Variants in SPG21 observed in about 807,000 individuals in gnomAD.
The protein encoded by SPG21 is SPG21 abhydrolase domain containing, maspardin, also known as maspardin.
Under a neutral mutation model 38.9 loss-of-function variants are expected in SPG21, and 26 were observed. That is an observed-to-expected ratio of 0.67 (90% CI 0.49 to 0.93). SPG21 has a LOEUF of 0.93. Ranked by LOEUF, SPG21 falls within the 40% of genes least tolerant of loss-of-function variation. The pLI, the probability that SPG21 is intolerant of heterozygous loss-of-function variation, is 0.00. For synonymous variants in SPG21, 136 were observed against 128.9 expected, an observed-to-expected ratio of 1.05 and a Z score of -0.37; for missense variants, 333 against 376.5, an observed-to-expected ratio of 0.88 and a Z score of 0.96.
In SPG21 at chr15:64,969,972, G is replaced by A. The variant is rs886389736; in HGVS notation, c.561+142C>T. On this transcript the variant is annotated intron_variant, in intron 6 of 8. Transcript: ENST00000204566. ...CACTGATGTAGGCAAGCCCTTACCA[G>A]CAATAATATCTGCTCAGATGTATTA... is the stretch of plus-strand genomic sequence containing the variant. The A allele has an allele frequency of 2.5e-5, 20 of 800,422 alleles. No individual in the cohort carries two copies. In the African/African-American group the frequency reaches 3.2e-4, roughly 13 times the overall value. 49.6% of individuals were successfully genotyped at this position (800,422 alleles called of 1,614,324 possible). A position where few individuals can be genotyped will look rare whatever the true frequency, so the allele number is the denominator to read the frequency against.
chr15:64,974,759 C>T lies in SPG21; in HGVS notation c.307-12G>A. ...CCAAAAAGATGAACCTAATTATAAA[C>T]AAATATAAGGCAGATTCTGAAATAC... On this transcript the variant is annotated splice_polypyrimidine_tract_variant and intron_variant, in intron 4 of 8. Coordinates refer to ENST00000204566, the MANE Select transcript of SPG21 (RefSeq NM_016630.7). 1 of 1,614,040 alleles carries T rather than the reference C, an allele frequency of 6.2e-7. No individual in the cohort carries two copies. Among genetic ancestry groups the T allele is most frequent in the Non-Finnish European group, 8.5e-7 (1 of 1,179,990 alleles).
chr15:64,965,355 G>A lies in SPG21; in HGVS notation c.775C>T (p.Leu259=), dbSNP rs779399171. The change falls in exon 8 of 9, where the codon CTG becomes TTG. Residue 259 remains leucine, a synonymous_variant. Transcript: ENST00000204566. ...AGATTGACCTCTGCACTTCTGCACA[G>A]GTATGGGAAATTGCCTCCTGTTTTC... is the stretch of plus-strand genomic sequence containing the variant. ...HLKTGGNFPY[L]CRSAEVNLYV... 12 of 1,614,034 alleles carry A rather than the reference G, an allele frequency of 7.4e-6. No homozygotes were observed. The highest frequency in any genetic ancestry group is 1.0e-5 in the Non-Finnish European group (12 of 1,180,036).
chr15:64,966,368 T>C lies in SPG21; in HGVS notation c.670-908A>G, dbSNP rs528556618. On this transcript the variant is annotated intron_variant, in intron 7 of 8. Transcript: ENST00000204566. ...TATACTAAATATACCATACCAAATC[T>C]GTATGTTTAAGTGCATCTCCAACTA... 2.0e-5 allele frequency among the ~76,000 whole-genome samples: 3 copies of C among 152,310 alleles called. No homozygotes were observed. In the East Asian group the frequency reaches 5.8e-4, roughly 29 times the overall value.
At chr15:64,973,481 C>T (rs4776657) in intron 5 of SPG21, among the ~76,000 whole-genome samples, 136,253 of 152,028 alleles carry the variant, frequency 0.9, 61,870 homozygotes, top group East Asian at 0.99. Flanking sequence ...GATGGAGTTT[C>T]GCTCCTGTTG....
intron 1 of SPG21, among the ~76,000 whole-genome samples, chr15:64,986,561 C>T (rs1344845526): frequency 6.6e-6 from 1 of 151,146 alleles, no homozygotes; most frequent in Non-Finnish European, 1.5e-5. Flanking sequence ...TGGCAGTGGC[C>T]GCCTGTAATC....
intron 1 of SPG21, among the ~76,000 whole-genome samples, chr15:64,987,892 G>C (rs1055193988): frequency 4.2e-4 from 64 of 152,196 alleles, no homozygotes; most frequent in African/African-American, 1.4e-3. Context: ...AAATTAGCTA[G>C]GCGTGGTGGC....
Position 64,980,867 on chromosome 15 carries a change from G to T in SPG21, c.222C>A (p.Ile74=). ...AATTTTAATCAGTAATACTTACAGC[G>T]ATAACCCGGTAACCCCATCCAGTCA... ...LALTGWGYRV[I]ALQYPVYWDH... Residue 74 remains isoleucine (I), a synonymous_variant, in exon 3 of 9, where the codon ATC becomes ATA. Coordinates refer to ENST00000204566, the MANE Select transcript of SPG21 (RefSeq NM_016630.7). 1 of 1,612,692 alleles carries T rather than the reference G, an allele frequency of 6.2e-7. No homozygotes were observed. Among genetic ancestry groups the T allele is most frequent in the Non-Finnish European group, 8.5e-7 (1 of 1,179,870 alleles).
At chr15:64,970,336 C>T (rs914889042) in intron 5 of SPG21, 114 bp from the exon 6 acceptor site, 6 of 880,804 alleles carry the variant, frequency 6.8e-6, no homozygotes, top group Non-Finnish European at 9.3e-6. Context: ...AGTCCTAATC[C>T]CCTCCTCCAA....
At chr15:64,983,303 G>C in intron 2 of SPG21, 1 of 403,104 alleles carries the variant, frequency 2.5e-6, no homozygotes, top group Non-Finnish European at 4.6e-6. Context: ...AATGAGTACA[G>C]TTACACTTGC....
intron 1 of SPG21, among the ~76,000 whole-genome samples, chr15:64,986,641 C>T (rs753510917): frequency 2.0e-5 from 3 of 151,922 alleles, no homozygotes; most frequent in Non-Finnish European, 4.4e-5. Context: ...TGAGCCAAGA[C>T]TGCACTCCAG....
Position 64,965,317 on chromosome 15 carries a change from T to TACCTGTACATAAAGATTG in SPG21, c.795_810+2dup. 1 of 1,614,244 alleles carries TACCTGTACATAAAGATTG rather than the reference T, an allele frequency of 6.2e-7. No homozygotes were observed. Among genetic ancestry groups the TACCTGTACATAAAGATTG allele is most frequent in the South Asian group, 1.1e-5 (1 of 91,090 alleles). ...GTGCTCTGGGTTTCAAGCTAGGCCT[T>TACCTGTACATAAAGATTG]ACCTGTACATAAAGATTGACCTCTG... On this transcript the variant is annotated splice_region_variant and intron_variant, in intron 8 of 8. Coordinates refer to ENST00000204566, the MANE Select transcript of SPG21 (RefSeq NM_016630.7).
intron 5 of SPG21, among the ~76,000 whole-genome samples, chr15:64,971,610 G>A (rs547563895): frequency 1.3e-5 from 2 of 151,942 alleles, no homozygotes; most frequent in African/African-American, 4.8e-5. Context: ...AGGCCAAGGT[G>A]GGTGATCACA....
chr15:64,972,081 GA>G (rs1485490152), intron 5 of SPG21, among the ~76,000 whole-genome samples: 1 of 152,176 alleles, frequency 6.6e-6, no homozygotes, highest in African/African-American at 2.4e-5. Flanking sequence ...AACCTATGAC[GA>G]AAATTACTTA....
chr15:64,984,752 C>CT (rs66644150), intron 1 of SPG21, among the ~76,000 whole-genome samples: 55,205 of 140,128 alleles, frequency 0.39, 11,166 homozygotes, highest in South Asian at 0.49. Context: ...ATGTAGTTCC[C>CT]TTTTTTTTTT....
In SPG21 at chr15:64,963,472, T is replaced by G. The variant is rs893406920; in HGVS notation, c.*148A>C. The G allele has an allele frequency of 1.5e-6, 1 of 689,626 alleles. No individual in the cohort carries two copies. The highest frequency in any genetic ancestry group is 2.6e-6 in the Non-Finnish European group (1 of 383,300). 42.7% of individuals were successfully genotyped at this position (689,626 alleles called of 1,614,324 possible). The stretch of plus-strand genomic sequence containing the variant: ...GGCTTAGTGGAGATGCCGCCTGTCA[T>G]GAAGATGACCATCAGTCCTACTTCC... On this transcript the variant is annotated 3_prime_UTR_variant, in exon 9 of 9. Transcript: ENST00000204566.
chr15:64,966,855 C>T (rs576434650), intron 7 of SPG21, among the ~76,000 whole-genome samples: 46 of 151,928 alleles, frequency 3.0e-4, no homozygotes, highest in African/African-American at 9.7e-4. Flanking sequence ...GCCAAGATCG[C>T]GCCACTGCAC....
chr15:64,963,704 G>A lies in SPG21; in HGVS notation c.843C>T (p.Tyr281=), dbSNP rs147428832. 0.02 allele frequency: 31,636 copies of A among 1,613,974 alleles called. 383 individuals are homozygous for A. The highest frequency in any genetic ancestry group is 0.03 in the Middle Eastern group (181 of 6,026). ...IHLLQFHGTK[Y]AAIDPSMVSA... is the part of the protein sequence containing the mutation. Reference sequence around the variant, plus strand: ...TGACCATTGATGGGTCAATGGCCGCGTATTTGGTTCCATGGAATTGCAGCA... The same window carrying A: ...TGACCATTGATGGGTCAATGGCCGCATATTTGGTTCCATGGAATTGCAGCA... The change falls in exon 9 of 9, where the codon TAC becomes TAT. Residue 281 remains tyrosine, a synonymous_variant. Coordinates refer to ENST00000204566, the MANE Select transcript of SPG21 (RefSeq NM_016630.7).
At chr15:64,965,597 A>G (rs2085525726) in intron 7 of SPG21, 137 bp from the exon 8 acceptor site, 2 of 1,343,540 alleles carry the variant, frequency 1.5e-6, no homozygotes, top group African/African-American at 2.9e-5. Flanking sequence ...CTTTCATATG[A>G]AGACAATCCT....
intron 2 of SPG21, among the ~76,000 whole-genome samples, chr15:64,982,500 T>A (rs1595879070): frequency 6.6e-6 from 1 of 152,300 alleles, no homozygotes; most frequent in East Asian, 1.9e-4. Context: ...CAGGCTGGTC[T>A]CAAACTCCTG....
Sources: gnomAD v4.1 joint callset for allele counts (sites outside exome capture counted in the v4.1 genomes callset) on GRCh38, gnomAD v4.1.1 for gene constraint, MANE v1.5 for transcripts, NCBI Gene and HGNC (gene_info 2026-07-23, HGNC 2026-07-21) for gene names.